The following RAB44 variants were observed in gnomAD, a reference collection of about 807,000 sequenced individuals.
RAB44 encodes ras-related protein Rab-44.
Under a neutral mutation model 93.3 loss-of-function variants are expected in RAB44, and 67 were observed. That is an observed-to-expected ratio of 0.72 (90% CI 0.59 to 0.88). The LOEUF is 0.88. Among genes scored for constraint, RAB44 ranks in the 40% least tolerant of loss-of-function variants. RAB44 has a pLI of 0.00. For missense variants in RAB44, 1,064 were observed against 1,261.7 expected (o/e 0.84, Z 2.37); for synonymous variants, 427 against 520.3 (o/e 0.82, Z 2.44).
Position 36,705,382 on chromosome 6 carries a change from T to TCCTC in RAB44, c.207+964_207+967dup, listed in dbSNP as rs530650243. 9.6e-3 allele frequency among the ~76,000 whole-genome samples: 1,179 copies of TCCTC among 123,370 alleles called. 31 individuals carry two copies. Among genetic ancestry groups the TCCTC allele is most frequent in the African/African-American group, 0.025 (637 of 25,486 alleles). 80.9% of individuals were successfully genotyped at this position (123,370 alleles called of 152,430 possible). On this transcript the variant is annotated intron_variant, in intron 2 of 13. Coordinates refer to ENST00000612677, the MANE Select transcript of RAB44 (RefSeq NM_001257357.2). ...ATATCCAAGTTCCAAGTTTCAGATT[T>TCCTC]CCTCCCTCCCTCCCTCCCTCCCTCC...
chr6:36,721,278 C>G lies in RAB44; in HGVS notation c.1144C>G (p.His382Asp). 1 of 1,234,332 alleles carries G rather than the reference C, an allele frequency of 8.1e-7. No homozygotes were observed. Among genetic ancestry groups the G allele is most frequent in the Non-Finnish European group, 1.0e-6 (1 of 988,210 alleles). The allele number at this position is 1,234,332 out of a possible 1,614,324, so 76.5% of individuals were successfully genotyped here. The part of the protein sequence containing the change: ...QLLSNFGSPP[H>D]GALQLCWSPP... ...ACTGAGCAACTTTGGCAGCCCTCCG[C>G]ACGGAGCCCTGCAGCTCTGCTGGAG... The change falls in exon 9 of 14, where the codon CAC (histidine) becomes GAC (aspartate). Residue 382 changes from histidine (H) to aspartate (D), a missense_variant. His to Asp is a moderately conservative substitution (Grantham distance 81). Coordinates refer to ENST00000612677, the MANE Select transcript of RAB44 (RefSeq NM_001257357.2).
chr6:36,702,293 GGAGA>G (rs567475229), intron 1 of RAB44, among the ~76,000 whole-genome samples: 9,034 of 114,840 alleles, frequency 0.079, 360 homozygotes, highest in Middle Eastern at 0.12. Flanking sequence ...CTTCGAAGGG[GGAGA>G]GAGAGAGAGA....
In RAB44 at chr6:36,722,601, G is replaced by A; in HGVS notation, c.2467G>A (p.Gly823Arg). ...CCCATCCCCGGGAGACCCCATGGCTGGAGGGGGACCCCAGGCCAACCCTGA... is the reference window on the plus strand; with the variant it reads ...CCCATCCCCGGGAGACCCCATGGCTAGAGGGGGACCCCAGGCCAACCCTGA... Reference protein sequence around the residue: ...LTPSPGDPMAGGGPQANPDYL... With the variant: ...LTPSPGDPMARGGPQANPDYL... Residue 823 changes from glycine (G) to arginine (R), a missense_variant, in exon 9 of 14, where the codon GGA becomes AGA. Physicochemically the swap from Gly to Arg is moderately radical, Grantham distance 125. Transcript: ENST00000612677. 1 of 1,550,602 alleles carries A rather than the reference G, an allele frequency of 6.4e-7. No individual in the cohort carries two copies. Among genetic ancestry groups the A allele is most frequent in the East Asian group, 2.4e-5 (1 of 40,920 alleles).
intron 12 of RAB44, among the ~76,000 whole-genome samples, chr6:36,729,189 C>T (rs1420313012): frequency 1.3e-5 from 2 of 152,202 alleles, no homozygotes; most frequent in Admixed American, 6.5e-5. Context: ...AATTAACGTG[C>T]TGCCTTCTAA....
Position 36,704,410 on chromosome 6 carries a change from G to T in RAB44, c.175G>T (p.Glu59Ter), listed in dbSNP as rs1470700579. Reference protein sequence around the residue: ...QAFFQDCGAKERGFVTREDLA... With the variant: ...QAFFQDCGAK ...CTTCTTCCAGGACTGTGGTGCCAAG[G>T]AGAGGGGCTTTGTCACCCGCGAGGA... Residue 59 changes from glutamate to a stop codon, truncating the protein, a stop_gained, in exon 2 of 14, where the codon GAG becomes TAG. Coordinates refer to ENST00000612677, the MANE Select transcript of RAB44 (RefSeq NM_001257357.2). LOFTEE classifies it high-confidence loss of function. 2.6e-6 allele frequency: 4 copies of T among 1,535,980 alleles called. No homozygotes were observed. In the South Asian group the frequency reaches 4.8e-5, roughly 18 times the overall value.
chr6:36,702,333 AGAGAG>A (rs748709320), intron 1 of RAB44, among the ~76,000 whole-genome samples: 1,242 of 60,896 alleles, frequency 0.02, 19 homozygotes, highest in African/African-American at 0.042. Flanking sequence ...AGAGAGAGAG[AGAGAG>A]AATGTACTTC....
chr6:36,701,128 G>A, intron 1 of RAB44, among the ~76,000 whole-genome samples: 1 of 151,986 alleles, frequency 6.6e-6, no homozygotes, highest in South Asian at 2.1e-4. Context: ...CTTTTTTTCT[G>A]AGACAGTGTC....
At chr6:36,726,142 A>C (rs1271078428) in intron 10 of RAB44, among the ~76,000 whole-genome samples, 199 bp downstream of exon 10, 1 of 152,202 alleles carries the variant, frequency 6.6e-6, no homozygotes, top group Non-Finnish European at 1.5e-5. Flanking sequence ...CTGGCAGGGC[A>C]TATATTAGGG....
intron 12 of RAB44, among the ~76,000 whole-genome samples, chr6:36,730,449 A>G (rs1763333438): frequency 6.6e-6 from 1 of 152,184 alleles, no homozygotes; most frequent in African/African-American, 2.4e-5. Context: ...TGTCTCTTCA[A>G]TGCATTCCTT....
intron 11 of RAB44, 31 bp from the exon 12 acceptor site, chr6:36,728,669 G>A (rs1347629716): frequency 2.0e-6 from 3 of 1,531,258 alleles, no homozygotes; most frequent in African/African-American, 2.7e-5. Context: ...CACACAGTGG[G>A]TGTGGCTGAC....
intron 1 of RAB44, among the ~76,000 whole-genome samples, chr6:36,701,015 C>T (rs566486672): frequency 2.6e-5 from 4 of 152,320 alleles, no homozygotes; most frequent in African/African-American, 7.2e-5. Flanking sequence ...AGAGATACCG[C>T]GTGAAGGCCA....
At chr6:36,699,411 A>G (rs1762460394) in intron 1 of RAB44, among the ~76,000 whole-genome samples, 1 of 152,162 alleles carries the variant, frequency 6.6e-6, no homozygotes, top group East Asian at 1.9e-4. Context: ...TGACACTCAC[A>G]TCACAGTGGA....
Position 36,722,544 on chromosome 6 carries a change from C to T in RAB44, c.2410C>T (p.Pro804Ser), listed in dbSNP as rs1763120516. 1 of 1,543,268 alleles carries T rather than the reference C, an allele frequency of 6.5e-7. No homozygotes were observed. Among genetic ancestry groups the T allele is most frequent in the African/African-American group, 1.4e-5 (1 of 72,902 alleles). Residue 804 changes from proline to serine, a missense_variant, in exon 9 of 14, where the codon CCA becomes TCA. Transcript: ENST00000612677. ...AAGGGCAGAGAGCAGGCTTGAAGAT[C>T]CAGGAATGGACTCCAGGGAAGCTGG... ...EPRAESRLEDPGMDSREAGLT... is the reference protein window; with the variant it reads ...EPRAESRLEDSGMDSREAGLT...
chr6:36,718,654 T>A (rs1188398287), intron 7 of RAB44, 66 bp downstream of exon 7: 3 of 762,942 alleles, frequency 3.9e-6, no homozygotes, highest in Admixed American at 4.3e-5. Context: ...AACCTCAGTT[T>A]CCTATCAGAG....
In RAB44 at chr6:36,725,952, C is replaced by T. The variant is rs1763228754; in HGVS notation, c.2681+9C>T. On this transcript the variant is annotated intron_variant, in intron 10 of 13. Transcript: ENST00000612677. Reference sequence around the variant, plus strand: ...ACAGCTGGCCAAGAGAGGTAACAGGCACTGTATATCAGTGTGTCAGGAACC... The same window carrying T: ...ACAGCTGGCCAAGAGAGGTAACAGGTACTGTATATCAGTGTGTCAGGAACC... 1.3e-6 allele frequency: 2 copies of T among 1,547,166 alleles called. No individual in the cohort carries two copies. The highest frequency in any genetic ancestry group is 2.4e-5 in the East Asian group (1 of 40,918).
rs1582629245 is a variant in RAB44, at chr6:36,717,153, G to T, written c.495-120G>T. ...CATCTTGTAGGGTGTCAATAGATTT[G>T]GCCCAGGTGCCAAAGTCTCTTGGAG... On this transcript the variant is annotated intron_variant, in intron 4 of 13. Coordinates refer to ENST00000612677, the MANE Select transcript of RAB44 (RefSeq NM_001257357.2). The surrounding 1 kb of genome is among the most constrained non-coding windows in gnomAD (Gnocchi z 4.1). 9 of 948,546 alleles carry T rather than the reference G, an allele frequency of 9.5e-6. No individual in the cohort carries two copies. Among genetic ancestry groups the T allele is most frequent in the South Asian group, 5.6e-5 (1 of 17,906 alleles). The allele number at this position is 948,546 out of a possible 1,614,324, so 58.8% of individuals were successfully genotyped here. A position where few individuals can be genotyped will look rare whatever the true frequency, so the allele number is the denominator to read the frequency against.
At position 36,721,347 on chromosome 6, in the gene RAB44, C is replaced by A. The variant is rs543039795; in HGVS notation, c.1213C>A (p.Arg405Ser). ...AGCCACCTCAGGCCCCCAGACACCC[C>A]GTGTGGTCAGGCAGATCTCCATCTC... ...PRATSGPQTPRVVRQISISEP... is the reference protein window; with the variant it reads ...PRATSGPQTPSVVRQISISEP... Residue 405 changes from arginine to serine, a missense_variant, in exon 9 of 14, where the codon CGT becomes AGT. Coordinates refer to ENST00000612677, the MANE Select transcript of RAB44 (RefSeq NM_001257357.2). 8.1e-7 allele frequency: 1 copy of A among 1,234,256 alleles called. No individual in the cohort carries two copies. 76.5% of individuals were successfully genotyped at this position (1,234,256 alleles called of 1,614,324 possible).
intron 2 of RAB44, among the ~76,000 whole-genome samples, chr6:36,711,915 A>G (rs1239903572): frequency 6.6e-6 from 1 of 151,382 alleles, no homozygotes; most frequent in Non-Finnish European, 1.5e-5. Context: ...AAAAAAAAAA[A>G]AGAGTTAAAG....
At chr6:36,718,844 G>A (rs1207888126) in intron 7 of RAB44, among the ~76,000 whole-genome samples, 1 of 151,962 alleles carries the variant, frequency 6.6e-6, no homozygotes, top group Non-Finnish European at 1.5e-5. Context: ...GACACTGCAG[G>A]TCTTATAGCC....
Sources: allele counts gnomAD v4.1 joint callset (sites outside exome capture counted in the v4.1 genomes callset), GRCh38; gene constraint gnomAD v4.1.1; non-coding constraint Gnocchi (gnomAD v3.1); transcripts MANE v1.5; gene names NCBI Gene and HGNC (gene_info 2026-07-23, HGNC 2026-07-21).